The following DNAH12 variants were observed in gnomAD, a reference collection of about 807,000 sequenced individuals.
DNAH12 encodes axonemal beta dynein heavy chain 12.
A neutral mutation model predicts 371.5 loss-of-function variants in DNAH12; 285 were observed. That is an observed-to-expected ratio of 0.77 (90% CI 0.70 to 0.85). The LOEUF (loss-of-function observed/expected upper bound fraction) is 0.85, where lower values mean the gene tolerates loss of function less well. Among genes scored for constraint, DNAH12 ranks in the 40% least tolerant of loss-of-function variants. DNAH12 has a pLI of 0.00. For missense variants in DNAH12, 3,611 were observed against 3,689.4 expected, an observed-to-expected ratio of 0.98 and a Z score of 0.55; for synonymous variants, 1,200 against 1,213.0, an observed-to-expected ratio of 0.99 and a Z score of 0.22.
chr3:57,298,855 T>C (rs993197338), intron 70 of DNAH12, among the ~76,000 whole-genome samples: 2 of 152,342 alleles, frequency 1.3e-5, no homozygotes, highest in Non-Finnish European at 1.5e-5. Context: ...CTGTAAGCTC[T>C]TGGCAGCTTC....
chr3:57,325,244 A>G (rs145153546), intron 62 of DNAH12, among the ~76,000 whole-genome samples: 14,629 of 152,270 alleles, frequency 0.096, 2,300 homozygotes, highest in African/African-American at 0.33. Flanking sequence ...GCAGCTGGAG[A>G]TCTGAGAACG....
intron 70 of DNAH12, among the ~76,000 whole-genome samples, chr3:57,299,505 T>TAA (rs567855065): frequency 8.6e-5 from 13 of 151,316 alleles, no homozygotes; most frequent in African/African-American, 3.2e-4. Flanking sequence ...GTTTTTTTTT[T>TAA]AAAAAAAAGG....
At chr3:57,303,939 T>A (rs938520572) in intron 69 of DNAH12, among the ~76,000 whole-genome samples, 1 of 152,090 alleles carries the variant, frequency 6.6e-6, no homozygotes, top group African/African-American at 2.4e-5. Flanking sequence ...CTGATGCCAT[T>A]CCACCCCAAA....
chr3:57,508,269 T>C, intron 7 of DNAH12, 113 bp downstream of exon 7: 1 of 1,081,110 alleles, frequency 9.2e-7, no homozygotes, highest in Non-Finnish European at 1.2e-6. Flanking sequence ...TTTTAAACTC[T>C]AAAATCTAGA....
At chr3:57,488,788 T>C (rs1435986062) in intron 12 of DNAH12, among the ~76,000 whole-genome samples, 4 of 152,142 alleles carry the variant, frequency 2.6e-5, no homozygotes, top group African/African-American at 9.7e-5. Context: ...GTTCAATAAA[T>C]TGGATGATGA....
At chr3:57,302,554 T>TGG (rs1559535320) in intron 69 of DNAH12, among the ~76,000 whole-genome samples, 47 of 98,398 alleles carry the variant, frequency 4.8e-4, no homozygotes, top group African/African-American at 1.7e-3. Context: ...TATATATATA[T>TGG]ATATATATAT....
intron 69 of DNAH12, among the ~76,000 whole-genome samples, chr3:57,306,234 A>G (rs1007603945): frequency 3.0e-4 from 45 of 152,100 alleles, no homozygotes; most frequent in African/African-American, 1.1e-3. Context: ...GTGGAAGGTA[A>G]GTCCGTCCCC....
intron 45 of DNAH12, among the ~76,000 whole-genome samples, chr3:57,390,424 A>AAAAAAAAAATAT: frequency 1.2e-4 from 4 of 33,440 alleles, no homozygotes; most frequent in African/African-American, 1.9e-4. Flanking sequence ...AAAAAAAAAA[A>AAAAAAAAAATAT]ATATATATAT....
At chr3:57,389,822 G>GTGTATATATATATATATATATATATA (rs1326306277) in intron 45 of DNAH12, among the ~76,000 whole-genome samples, 74 of 45,834 alleles carry the variant, frequency 1.6e-3, no homozygotes, top group Non-Finnish European at 4.2e-3. Context: ...GTGTGTGTGT[G>GTGTATATATATATATATATATATATA]TATATATATA....
rs1553682011 is a variant in DNAH12 at position 57,408,484 on chromosome 3, A to G, written c.6072T>C (p.Ile2024=). The G allele has an allele frequency of 1.3e-6, 2 of 1,551,442 alleles. No homozygotes were observed. The highest frequency in any genetic ancestry group is 2.4e-5 in the South Asian group (2 of 83,988). ...SKITLVDIEL[I]AAMGPPGGGR... ...CACCACCTGGAGGGCCCATTGCAGC[A>G]ATCAGCTCTATGTCCACCAGCGTGA... is the stretch of plus-strand genomic sequence containing the variant. The change falls in exon 40 of 74, where the codon ATT becomes ATC. Residue 2024 remains isoleucine (I), a synonymous_variant. Coordinates refer to ENST00000495027, the MANE Select transcript of DNAH12 (RefSeq NM_001366028.2).
intron 72 of DNAH12, 135 bp downstream of exon 72, chr3:57,296,205 TTGAC>T: frequency 1.9e-6 from 1 of 537,170 alleles, no homozygotes; most frequent in Non-Finnish European, 3.1e-6. Flanking sequence ...TTGCCCCAGC[TTGAC>T]TAATAATTTA....
At chr3:57,482,832 A>G (rs915688688) in intron 13 of DNAH12, among the ~76,000 whole-genome samples, 1 of 150,734 alleles carries the variant, frequency 6.6e-6, no homozygotes, top group Non-Finnish European at 1.5e-5. Context: ...ACAAAAAACT[A>G]AACACCGCAT....
rs1422053480 is a variant in DNAH12 at position 57,408,473 on chromosome 3, C to A, written c.6083G>T (p.Gly2028Val). 3.9e-6 allele frequency: 6 copies of A among 1,551,308 alleles called. No homozygotes were observed. In the South Asian group the frequency reaches 7.1e-5, roughly 18 times the overall value. The change falls in exon 40 of 74, where the codon GGC (glycine) becomes GTC (valine). Residue 2028 changes from glycine to valine, a missense_variant. Gly to Val is a moderately radical substitution (Grantham distance 109). Transcript: ENST00000495027. ...LVDIELIAAM[G>V]PPGGGRNPVT... ...TGGATTTCTTCCACCACCTGGAGGG[C>A]CCATTGCAGCAATCAGCTCTATGTC... is the stretch of plus-strand genomic sequence containing the variant.
intron 60 of DNAH12, among the ~76,000 whole-genome samples, chr3:57,350,125 G>A (rs537178987): frequency 1.8e-4 from 27 of 152,280 alleles, no homozygotes; most frequent in Middle Eastern, 3.4e-3. Context: ...TGGACTTTGG[G>A]GACTTGGGAG....
At chr3:57,331,790 C>G (rs1228946255) in intron 62 of DNAH12, among the ~76,000 whole-genome samples, 5 of 152,014 alleles carry the variant, frequency 3.3e-5, no homozygotes, top group African/African-American at 1.2e-4. Context: ...TTCTATGAGG[C>G]CTTGTCTTCA....
chr3:57,518,610 CT>C (rs1056092531), intron 4 of DNAH12, among the ~76,000 whole-genome samples: 1 of 152,104 alleles, frequency 6.6e-6, no homozygotes, highest in African/African-American at 2.4e-5. Flanking sequence ...AAGCTCTGAT[CT>C]AAGGCTAGGA....
chr3:57,486,566 T>C (rs2066929690), intron 12 of DNAH12, among the ~76,000 whole-genome samples: 1 of 152,198 alleles, frequency 6.6e-6, no homozygotes, highest in South Asian at 2.1e-4. Flanking sequence ...TTATACTTGC[T>C]CATTCACTCA....
At chr3:57,502,179 T>C (rs748218924) in intron 10 of DNAH12, 144 bp downstream of exon 10, 89 of 1,099,154 alleles carry the variant, frequency 8.1e-5, no homozygotes, top group Non-Finnish European at 1.0e-4. Context: ...GGTTGGATTC[T>C]TGACTCTGCC....
intron 30 of DNAH12, among the ~76,000 whole-genome samples, chr3:57,434,743 G>A (rs2065066531): frequency 1.3e-5 from 2 of 152,042 alleles, no homozygotes; most frequent in African/African-American, 4.8e-5. Context: ...GAGATTACCT[G>A]GAAGACAGCT....
Sources: gnomAD v4.1 joint callset for allele counts (sites outside exome capture counted in the v4.1 genomes callset) on GRCh38, gnomAD v4.1.1 for gene constraint, MANE v1.5 for transcripts, NCBI Gene and HGNC (gene_info 2026-07-23, HGNC 2026-07-21) for gene names.